Variants in LRRC40 observed in about 807,000 individuals in gnomAD.
LRRC40 encodes the protein leucine-rich repeat-containing protein 40.
Under a neutral mutation model 72.8 loss-of-function variants are expected in LRRC40, and 76 were observed. The ratio of observed to expected loss-of-function variants is 1.04; its 90% CI spans 0.87 to 1.26. The LOEUF is 1.26. Among genes scored for constraint, LRRC40 ranks in the 50% most tolerant of loss-of-function variants. The pLI is 0.00. For missense variants in LRRC40, 684 were observed against 698.9 expected, an observed-to-expected ratio of 0.98 and a Z score of 0.24; for synonymous variants, 243 against 254.2, an observed-to-expected ratio of 0.96 and a Z score of 0.42.
intron 1 of LRRC40, among the ~76,000 whole-genome samples, chr1:70,197,027 G>A (rs1668627321): frequency 6.6e-6 from 1 of 152,088 alleles, no homozygotes; most frequent in Non-Finnish European, 1.5e-5. Flanking sequence ...TAAGCAGCAT[G>A]GCTCAACAGA....
intron 11 of LRRC40, among the ~76,000 whole-genome samples, chr1:70,152,985 T>C (rs894668021): frequency 1.3e-5 from 2 of 152,158 alleles, no homozygotes; most frequent in African/African-American, 4.8e-5. Context: ...AGTTTAAAAC[T>C]TAAAGAGGAA....
Position 70,160,737 on chromosome 1 carries a change from T to C in LRRC40, c.1112-1299A>G, listed in dbSNP as rs566124629. The stretch of plus-strand genomic sequence containing the variant: ...AAGGAGAATATAAGGAGAGAGTCTA[T>C]TGTCTCTGGGGAGAAGACTGTTGCG... On this transcript the variant is annotated intron_variant, in intron 9 of 14. Transcript: ENST00000370952. Among the ~76,000 whole-genome samples the C allele has an allele frequency of 2.6e-5, 4 of 152,272 alleles. No individual in the cohort carries two copies. The East Asian group carries it at 7.7e-4, about 29-fold the overall frequency.
At position 70,179,006 on chromosome 1, in the gene LRRC40, T is replaced by G; in HGVS notation, c.662-13A>C. 6.7e-7 allele frequency: 1 copy of G among 1,483,140 alleles called. No individual in the cohort carries two copies. Among genetic ancestry groups the G allele is most frequent in the Non-Finnish European group, 9.0e-7 (1 of 1,108,944 alleles). The allele number at this position is 1,483,140 out of a possible 1,614,324, so 91.9% of individuals were successfully genotyped here. On this transcript the variant is annotated splice_polypyrimidine_tract_variant and intron_variant, in intron 5 of 14. Transcript: ENST00000370952. The stretch of plus-strand genomic sequence containing the variant: ...AAATGCTTCAACCCTGTAATATATA[T>G]TCAGTAAAAAACAAAAATAGAGAAA...
chr1:70,164,326 G>T (rs543182122), intron 9 of LRRC40, among the ~76,000 whole-genome samples: 2 of 152,100 alleles, frequency 1.3e-5, no homozygotes, highest in Admixed American at 6.5e-5. Flanking sequence ...GGAGGCAAAG[G>T]TTGCAGTGAG....
Position 70,178,962 on chromosome 1 carries a change from G to A in LRRC40, c.693C>T (p.Leu231=). 6.2e-7 allele frequency: 1 copy of A among 1,600,032 alleles called. No homozygotes were observed. The highest frequency in any genetic ancestry group is 8.5e-7 in the Non-Finnish European group (1 of 1,171,242). ...CCAATTCAGGAGGTATAGTTTCCAA[G>A]AGATTTGAATTACAATCCAAATGCT... ...RLKHLDCNSN[L]LETIPPELAG... is the part of the protein sequence containing the mutation. Residue 231 remains leucine, a synonymous_variant, in exon 6 of 15, where the codon CTC becomes CTT. Transcript: ENST00000370952.
chr1:70,161,877 A>C lies in LRRC40; in HGVS notation c.1112-2439T>G, dbSNP rs571273156. ...ATTATAAGTAAGAGACGAAGACAGA[A>C]GATGAACTCGATCTAGTGGACAAAA... On this transcript the variant is annotated intron_variant, in intron 9 of 14. Transcript: ENST00000370952. Among the ~76,000 whole-genome samples the C allele has an allele frequency of 4.6e-5, 7 of 152,346 alleles. No homozygotes were observed. In the East Asian group the frequency reaches 1.4e-3, roughly 29 times the overall value.
chr1:70,204,895 T>C (rs988500172), intron 1 of LRRC40, among the ~76,000 whole-genome samples: 58 of 152,238 alleles, frequency 3.8e-4, no homozygotes, highest in African/African-American at 1.4e-3. Flanking sequence ...ACTTAGAAAA[T>C]ATACTCATTA....
At chr1:70,149,851 G>T (rs1667423880) in intron 13 of LRRC40, among the ~76,000 whole-genome samples, 1 of 152,104 alleles carries the variant, frequency 6.6e-6, no homozygotes, top group African/African-American at 2.4e-5. Flanking sequence ...AGGATTAAAT[G>T]AATGTATTTG....
chr1:70,202,159 T>C (rs1668754795), intron 1 of LRRC40, among the ~76,000 whole-genome samples: 1 of 152,100 alleles, frequency 6.6e-6, no homozygotes. Context: ...CTCAACATAG[T>C]CTCTTATATG....
chr1:70,154,059 C>T (rs1437802054), intron 11 of LRRC40, among the ~76,000 whole-genome samples: 1 of 150,406 alleles, frequency 6.6e-6, no homozygotes, highest in African/African-American at 2.4e-5. Flanking sequence ...CAGTATGCCA[C>T]AAAGTTAACC....
chr1:70,185,459 T>G (rs1385123220), intron 3 of LRRC40, among the ~76,000 whole-genome samples: 2 of 152,332 alleles, frequency 1.3e-5, no homozygotes, highest in South Asian at 2.1e-4. Flanking sequence ...ATTTTTCTCC[T>G]GCTGCTGCCA....
intron 1 of LRRC40, among the ~76,000 whole-genome samples, chr1:70,203,476 G>A (rs543038901): frequency 6.6e-6 from 1 of 152,054 alleles, no homozygotes; most frequent in South Asian, 2.1e-4. Context: ...GTGATCATAA[G>A]GCACTACAGC....
At chr1:70,198,465 C>T (rs1166141297) in intron 1 of LRRC40, among the ~76,000 whole-genome samples, 2 of 152,044 alleles carry the variant, frequency 1.3e-5, no homozygotes, top group African/African-American at 4.8e-5. Flanking sequence ...TGGAAAGCAA[C>T]GATCAACACC....
intron 4 of LRRC40, among the ~76,000 whole-genome samples, chr1:70,181,894 G>A (rs998160206): frequency 7.2e-5 from 11 of 151,886 alleles, no homozygotes; most frequent in African/African-American, 2.7e-4. Flanking sequence ...TTTAAAAGAC[G>A]TTGTTATGAA....
Position 70,205,559 on chromosome 1 carries a change from A to G in LRRC40, c.-19T>C, listed in dbSNP as rs1668933252. 1.3e-6 allele frequency: 2 copies of G among 1,574,000 alleles called. No homozygotes were observed. The highest frequency in any genetic ancestry group is 1.1e-5 in the South Asian group (1 of 88,226). On this transcript the variant is annotated 5_prime_UTR_variant, in exon 1 of 15. Coordinates refer to ENST00000370952, the MANE Select transcript of LRRC40 (RefSeq NM_017768.5). ...GCGACATGTTCAAAGTCCTAGGTCC[A>G]GAAGCTGCAGCCCCACCCGTGACGC... is the stretch of plus-strand genomic sequence containing the variant.
In LRRC40 at chr1:70,173,521, G is replaced by A. The variant is rs772509207; in HGVS notation, c.1066-11C>T. On this transcript the variant is annotated splice_polypyrimidine_tract_variant and intron_variant, in intron 8 of 14. Transcript: ENST00000370952. ...TTCTTGTGTTCCTTTCTAGAAGGGT[G>A]GAGACAAAGACATTCACCAAGACAT... 3.7e-6 allele frequency: 6 copies of A among 1,602,592 alleles called. No homozygotes were observed. In the Admixed American group the frequency reaches 5.0e-5, roughly 13 times the overall value.
chr1:70,165,302 C>T (rs758982138), intron 9 of LRRC40, among the ~76,000 whole-genome samples: 2 of 152,178 alleles, frequency 1.3e-5, no homozygotes, highest in Non-Finnish European at 2.9e-5. Context: ...AATTACTGCA[C>T]TTCTGCTAGA....
intron 14 of LRRC40, 95 bp from the exon 15 acceptor site, chr1:70,146,000 A>AT (rs1204733987): frequency 2.6e-5 from 16 of 608,296 alleles, no homozygotes; most frequent in East Asian, 6.0e-5. Flanking sequence ...AAATTTCTGT[A>AT]TTTTTTTTCT....
At chr1:70,195,264 T>C (rs1381374587) in intron 1 of LRRC40, among the ~76,000 whole-genome samples, 1 of 151,222 alleles carries the variant, frequency 6.6e-6, no homozygotes, top group Non-Finnish European at 1.5e-5. Flanking sequence ...ATTAATAAAA[T>C]AAGCTAAACT....
Sources: gnomAD v4.1 joint callset for allele counts (sites outside exome capture counted in the v4.1 genomes callset) on GRCh38, gnomAD v4.1.1 for gene constraint, MANE v1.5 for transcripts, NCBI Gene and HGNC (gene_info 2026-07-23, HGNC 2026-07-21) for gene names.